Variants in RETREG1 observed in about 807,000 individuals in gnomAD.
The protein encoded by RETREG1 is reticulophagy regulator 1.
In RETREG1, 44 loss-of-function variants were observed where a neutral mutation model predicts 54.8. The ratio of observed to expected loss-of-function variants is 0.80; its 90% confidence interval spans 0.63 to 1.03. The LOEUF is 1.03. Among genes scored for constraint, RETREG1 ranks in the 50% least tolerant of loss-of-function variants. The pLI, the probability that RETREG1 is intolerant of heterozygous loss-of-function variation, is 0.00. For missense variants in RETREG1, 554 were observed against 605.1 expected, an observed-to-expected ratio of 0.92 and a Z score of 0.89; for synonymous variants, 217 against 238.5, an observed-to-expected ratio of 0.91 and a Z score of 0.83.
intron 3 of RETREG1, among the ~76,000 whole-genome samples, chr5:16,491,487 A>G (rs1384841787): frequency 6.6e-6 from 1 of 152,240 alleles, no homozygotes; most frequent in Non-Finnish European, 1.5e-5. Context: ...AGAAGAAAAT[A>G]TCAAAAATAA....
intron 3 of RETREG1, among the ~76,000 whole-genome samples, chr5:16,541,699 AAAGAAAAGAG>A (rs1295788279): frequency 1.7e-4 from 25 of 150,214 alleles, no homozygotes; most frequent in Admixed American, 1.0e-3. Flanking sequence ...AGTAAGAAGA[AAAGAAAAGAG>A]AAGAAAAGAG....
At chr5:16,548,546 T>C (rs1741449550) in intron 3 of RETREG1, among the ~76,000 whole-genome samples, 1 of 152,264 alleles carries the variant, frequency 6.6e-6, no homozygotes, top group Admixed American at 6.5e-5. Context: ...GCTTGTTTAC[T>C]GTAACCTAGC....
At chr5:16,606,964 C>T (rs561849622) in intron 1 of RETREG1, among the ~76,000 whole-genome samples, 1 of 152,244 alleles carries the variant, frequency 6.6e-6, no homozygotes, top group East Asian at 1.9e-4. Context: ...CTGCAAACAC[C>T]CCAATCCCAC....
At chr5:16,571,885 C>G in intron 2 of RETREG1, 111 bp downstream of exon 2, 1 of 755,736 alleles carries the variant, frequency 1.3e-6, no homozygotes, top group South Asian at 1.6e-5. Context: ...AAGTCAATGC[C>G]TATATTTGCT....
At position 16,542,880 on chromosome 5, in the gene RETREG1, G is replaced by A. The variant is rs566870489; in HGVS notation, c.458+22883C>T. Among the ~76,000 whole-genome samples the A allele has an allele frequency of 5.3e-5, 8 of 152,222 alleles. No homozygotes were observed. The South Asian group carries it at 1.0e-3, about 20-fold the overall frequency. On this transcript the variant is annotated intron_variant, in intron 3 of 8. Coordinates refer to ENST00000306320, the MANE Select transcript of RETREG1 (RefSeq NM_001034850.3). ...CAATAAACTGCGCATAAGTTTTAACGTTTGATAACTTTTGACAGAGCTATA... is the reference window on the plus strand; with the variant it reads ...CAATAAACTGCGCATAAGTTTTAACATTTGATAACTTTTGACAGAGCTATA...
intron 3 of RETREG1, among the ~76,000 whole-genome samples, chr5:16,529,611 T>C (rs1266783421): frequency 6.6e-6 from 1 of 152,208 alleles, no homozygotes; most frequent in East Asian, 1.9e-4. Flanking sequence ...ACATCTGATT[T>C]TATATGATCA....
In RETREG1 at chr5:16,593,033, A is replaced by G. The variant is rs1187658724; in HGVS notation, c.321-20931T>C. 6.6e-6 allele frequency among the ~76,000 whole-genome samples: 1 copy of G among 152,136 alleles called. No homozygotes were observed. The highest frequency in any genetic ancestry group is 2.4e-5 in the African/African-American group (1 of 41,428). ...ACCTATATAACACACTTGAACTTAAAAGTTTTTCAAAAAAAAAGAAAAGGA... is the reference window on the plus strand; with the variant it reads ...ACCTATATAACACACTTGAACTTAAGAGTTTTTCAAAAAAAAAGAAAAGGA... On this transcript the variant is annotated intron_variant, in intron 1 of 8. Transcript: ENST00000306320. The surrounding 1 kb of genome is among the most constrained non-coding windows in gnomAD (Gnocchi z 4.9).
In RETREG1 at chr5:16,542,513, C is replaced by T. The variant is rs74458114; in HGVS notation, c.458+23250G>A. On this transcript the variant is annotated intron_variant, in intron 3 of 8. Coordinates refer to ENST00000306320, the MANE Select transcript of RETREG1 (RefSeq NM_001034850.3). ...TTTTCCTCCAACCAACCACCTACTG[C>T]AGTCTCTGTTTTTATGACATACAAA... Among the ~76,000 whole-genome samples the T allele has an allele frequency of 4.5e-3, 678 of 152,340 alleles. 4 individuals are homozygous for T. Among genetic ancestry groups the T allele is most frequent in the African/African-American group, 0.015 (637 of 41,566 alleles).
At chr5:16,500,555 A>G (rs1739666478) in intron 3 of RETREG1, among the ~76,000 whole-genome samples, 1 of 152,138 alleles carries the variant, frequency 6.6e-6, no homozygotes. Flanking sequence ...CAAATGGCTC[A>G]ATCAGAAATG....
intron 2 of RETREG1, among the ~76,000 whole-genome samples, chr5:16,571,687 C>T (rs1742175454): frequency 6.6e-6 from 1 of 152,056 alleles, no homozygotes; most frequent in African/African-American, 2.4e-5. Flanking sequence ...TCCAGTGGCC[C>T]AGTTTCATCA....
At chr5:16,492,226 C>G (rs1739275916) in intron 3 of RETREG1, among the ~76,000 whole-genome samples, 1 of 139,914 alleles carries the variant, frequency 7.1e-6, no homozygotes, top group Non-Finnish European at 1.6e-5. Context: ...CTCTCTCTCT[C>G]TCTCACACAC....
intron 3 of RETREG1, among the ~76,000 whole-genome samples, chr5:16,559,052 G>A (rs962751418): frequency 3.3e-5 from 5 of 152,158 alleles, no homozygotes; most frequent in African/African-American, 9.7e-5. Flanking sequence ...GGGCCTATAA[G>A]CTGGGTGAAC....
intron 4 of RETREG1, among the ~76,000 whole-genome samples, chr5:16,481,988 G>A (rs753540406): frequency 4.6e-5 from 7 of 151,992 alleles, no homozygotes; most frequent in Non-Finnish European, 8.8e-5. Context: ...AGATACAGGA[G>A]GAAGGAATAC....
chr5:16,548,852 G>A (rs1741456860), intron 3 of RETREG1, among the ~76,000 whole-genome samples: 1 of 152,236 alleles, frequency 6.6e-6, no homozygotes. Flanking sequence ...TAGCAGAACT[G>A]TGAGAAATAA....
intron 1 of RETREG1, among the ~76,000 whole-genome samples, chr5:16,572,489 A>G (rs1742204003): frequency 6.6e-6 from 1 of 152,210 alleles, no homozygotes; most frequent in Non-Finnish European, 1.5e-5. Flanking sequence ...CTAGGATTAC[A>G]GGCGTGAGCC....
At chr5:16,589,348 G>A (rs1417356532) in intron 1 of RETREG1, among the ~76,000 whole-genome samples, 1 of 150,622 alleles carries the variant, frequency 6.6e-6, no homozygotes, top group African/African-American at 2.4e-5. Context: ...AGTTTGTAGT[G>A]TATCCAATGC....
chr5:16,581,816 T>C (rs1038603499), intron 1 of RETREG1, among the ~76,000 whole-genome samples: 2 of 152,250 alleles, frequency 1.3e-5, no homozygotes, highest in African/African-American at 4.8e-5. Flanking sequence ...TTTAGCTGAA[T>C]AGAATACAAC....
At chr5:16,558,000 C>A (rs1741756895) in intron 3 of RETREG1, among the ~76,000 whole-genome samples, 1 of 149,588 alleles carries the variant, frequency 6.7e-6, no homozygotes, top group African/African-American at 2.5e-5. Context: ...TGACAGTGGG[C>A]TTGTTATAAA....
intron 3 of RETREG1, chr5:16,508,744 T>A: frequency 2.6e-6 from 4 of 1,519,340 alleles, no homozygotes; most frequent in Non-Finnish European, 3.5e-6. Flanking sequence ...GTAGAGACGT[T>A]CTTTCCTTTT....
Sources: gnomAD v4.1 joint callset for allele counts (sites outside exome capture counted in the v4.1 genomes callset) on GRCh38, gnomAD v4.1.1 for gene constraint, Gnocchi (gnomAD v3.1) non-coding constraint, MANE v1.5 for transcripts, NCBI Gene and HGNC (gene_info 2026-07-23, HGNC 2026-07-21) for gene names.